RPS23: variants seen among roughly 807,000 people sequenced by gnomAD.
RPS23 encodes small ribosomal subunit protein uS12.
For missense variants in RPS23, 73 were observed against 174.5 expected (o/e 0.42, Z 3.28); for synonymous variants, 66 against 60.4 (o/e 1.09, Z -0.43).
rs1385614851 is a variant in RPS23 at position 82,273,881 on chromosome 5, A to AG, written c.*2227dup. 6.6e-6 allele frequency: 1 copy of AG among 152,178 alleles called. No individual in the cohort carries two copies. Among genetic ancestry groups the AG allele is most frequent in the East Asian group, 1.9e-4 (1 of 5,204 alleles). The allele number at this position is 152,178 out of a possible 1,614,324, so 9.4% of individuals were successfully genotyped here. ...CCCAGCTTAACAGGATTTTTCAGAG[A>AG]GAAAAAGTTTTTTAATTTTAATGAA... On this transcript the variant is annotated 3_prime_UTR_variant, in exon 4 of 4. Transcript: ENST00000296674.
chr5:82,278,339 G>C lies in RPS23; in HGVS notation c.-16C>G, dbSNP rs1378115823. On this transcript the variant is annotated 5_prime_UTR_variant, in exon 1 of 4. Coordinates refer to ENST00000296674, the MANE Select transcript of RPS23 (RefSeq NM_001025.5). The stretch of plus-strand genomic sequence containing the variant: ...GCTCACCCATCCTGTCGGCGCCACG[G>C]GCCTGAGCGAAAGAGAGAAGCACCG... 2 of 1,608,336 alleles carry C rather than the reference G, an allele frequency of 1.2e-6. No individual in the cohort carries two copies. The highest frequency in any genetic ancestry group is 2.7e-5 in the African/African-American group (2 of 74,668).
At position 82,276,270 on chromosome 5, in the gene RPS23, G is replaced by C; in HGVS notation, c.286-15C>G. The C allele has an allele frequency of 4.3e-6, 7 of 1,613,352 alleles. No homozygotes were observed. The highest frequency in any genetic ancestry group is 5.9e-6 in the Non-Finnish European group (7 of 1,179,642). On this transcript the variant is annotated splice_polypyrimidine_tract_variant and intron_variant, in intron 3 of 3. Transcript: ENST00000296674. ...TCATCATTTTCCTGGAATAAAATAA[G>C]AAGTTTATTTCTGGTGTTGGTGGCG... is the stretch of plus-strand genomic sequence containing the variant.
At chr5:82,276,887 G>T (rs1264369915) in intron 2 of RPS23, 1 of 200,474 alleles carries the variant, frequency 5.0e-6, no homozygotes, top group Non-Finnish European at 1.0e-5. Context: ...TCTGAGGTAA[G>T]AATTAGAAAG....
At position 82,275,807 on chromosome 5, in the gene RPS23, T is replaced by A. The variant is rs1399034971; in HGVS notation, c.*302A>T. ...AGTTTTTGAAGTTCCCTTAAAGTTC[T>A]TAAAGTAATACTACAATACTGCACA... On this transcript the variant is annotated 3_prime_UTR_variant, in exon 4 of 4. Transcript: ENST00000296674. 6 of 309,994 alleles carry A rather than the reference T, an allele frequency of 1.9e-5. No individual in the cohort carries two copies. In the East Asian group the frequency reaches 3.5e-4, roughly 18 times the overall value. The allele number at this position is 309,994 out of a possible 1,614,324, so 19.2% of individuals were successfully genotyped here. A position where few individuals can be genotyped will look rare whatever the true frequency, so the allele number is the denominator to read the frequency against.
In RPS23 at chr5:82,275,345, G is replaced by C. The variant is rs1352885727; in HGVS notation, c.*764C>G. 1 of 702,244 alleles carries C rather than the reference G, an allele frequency of 1.4e-6. No individual in the cohort carries two copies. Among genetic ancestry groups the C allele is most frequent in the East Asian group, 2.7e-5 (1 of 37,266 alleles). The allele number at this position is 702,244 out of a possible 1,614,324, so 43.5% of individuals were successfully genotyped here. A position where few individuals can be genotyped will look rare whatever the true frequency, so the allele number is the denominator to read the frequency against. Reference sequence around the variant, plus strand: ...AAAATCCACATGTACTCAATACCTAGCTTAAATTATCAAAACACAACCAAT... The same window carrying C: ...AAAATCCACATGTACTCAATACCTACCTTAAATTATCAAAACACAACCAAT... On this transcript the variant is annotated 3_prime_UTR_variant, in exon 4 of 4. Coordinates refer to ENST00000296674, the MANE Select transcript of RPS23 (RefSeq NM_001025.5).
chr5:82,278,203 C>T, intron 1 of RPS23, 117 bp downstream of exon 1: 1 of 961,122 alleles, frequency 1.0e-6, no homozygotes, highest in Non-Finnish European at 1.6e-6. Flanking sequence ...TTCCCCGGCC[C>T]TCCCCCATGG....
At chr5:82,278,031 G>A (rs900558508) in intron 1 of RPS23, 179 bp from the exon 2 acceptor site, 2 of 663,896 alleles carry the variant, frequency 3.0e-6, no homozygotes, top group Non-Finnish European at 5.2e-6. Context: ...ATAAACGTTC[G>A]AAGAGGGCTC....
rs1231232993 is a variant in RPS23 at position 82,277,739 on chromosome 5, G to A, written c.118C>T (p.Pro40Ser). Residue 40 changes from proline (P) to serine (S), a missense_variant, in exon 2 of 4, where the codon CCT becomes TCT. Pro to Ser is a moderately conservative substitution (Grantham distance 74). Transcript: ENST00000296674. The stretch of plus-strand genomic sequence containing the variant: ...TTTGCATGAGAAGCACCTCCAAAAG[G>A]GTTGGCCTTTAGGGCTGTGCCCAAA... ...AHLGTALKAN[P>S]FGGASHAKGI... 2 of 1,614,000 alleles carry A rather than the reference G, an allele frequency of 1.2e-6. No individual in the cohort carries two copies. Among genetic ancestry groups the A allele is most frequent in the Non-Finnish European group, 1.7e-6 (2 of 1,179,886 alleles).
intron 1 of RPS23, 123 bp from the exon 2 acceptor site, chr5:82,277,975 G>A (rs1747964928): frequency 1.1e-6 from 1 of 893,824 alleles, no homozygotes; most frequent in East Asian, 2.6e-5. Flanking sequence ...CTATTTATTG[G>A]CCTGTGGGCC....
intron 2 of RPS23, chr5:82,276,845 CA>C (rs374894611): frequency 1.2e-4 from 16 of 134,186 alleles, no homozygotes; most frequent in South Asian, 2.4e-4. Context: ...GACCCTATCT[CA>C]AAAAAAAAAA....
At position 82,274,122 on chromosome 5, in the gene RPS23, T is replaced by C. The variant is rs1322437861; in HGVS notation, c.*1987A>G. ...CTTTGACAAATGGAAGTCCACAACA[T>C]TTATTGAAACTCTTCTTCCTCCATT... On this transcript the variant is annotated 3_prime_UTR_variant, in exon 4 of 4. Coordinates refer to ENST00000296674, the MANE Select transcript of RPS23 (RefSeq NM_001025.5). The C allele has an allele frequency of 6.6e-6, 1 of 152,210 alleles. No individual in the cohort carries two copies. Among genetic ancestry groups the C allele is most frequent in the East Asian group, 1.9e-4 (1 of 5,194 alleles). The allele number at this position is 152,210 out of a possible 1,614,324, so 9.4% of individuals were successfully genotyped here.
rs746320084 is a variant in RPS23, at chr5:82,275,139, A to C, written c.*970T>G. On this transcript the variant is annotated 3_prime_UTR_variant, in exon 4 of 4. Coordinates refer to ENST00000296674, the MANE Select transcript of RPS23 (RefSeq NM_001025.5). ...CTACGGAAAGTGGGCAACCAAACCA[A>C]TTGTTTTCCAAAGATCCTAAACAAT... is the stretch of plus-strand genomic sequence containing the variant. 11 of 684,272 alleles carry C rather than the reference A, an allele frequency of 1.6e-5. No individual in the cohort carries two copies. The highest frequency in any genetic ancestry group is 2.7e-5 in the East Asian group (1 of 37,056). The allele number at this position is 684,272 out of a possible 1,614,324, so 42.4% of individuals were successfully genotyped here. A position where few individuals can be genotyped will look rare whatever the true frequency, so the allele number is the denominator to read the frequency against.
At chr5:82,278,224 T>G in intron 1 of RPS23, 96 bp downstream of exon 1, 2 of 680,598 alleles carry the variant, frequency 2.9e-6, no homozygotes, top group Admixed American at 2.4e-5. Context: ...AGCCTCTCCA[T>G]GGCATCCCCC....
In RPS23 at chr5:82,277,394, C is replaced by T. The variant is rs1747886741; in HGVS notation, c.164+299G>A. 4 of 399,884 alleles carry T rather than the reference C, an allele frequency of 1.0e-5. 1 individual carries two copies. The highest frequency in any genetic ancestry group is 8.4e-5 in the Admixed American group (2 of 23,914). 24.8% of individuals were successfully genotyped at this position (399,884 alleles called of 1,614,324 possible). A position where few individuals can be genotyped will look rare whatever the true frequency, so the allele number is the denominator to read the frequency against. On this transcript the variant is annotated intron_variant, in intron 2 of 3. Transcript: ENST00000296674. Reference sequence around the variant, plus strand: ...AGTCGATAAAGTTCAATAGCTGACACGTGCCATTTACTTATAACAACTCCC... The same window carrying T: ...AGTCGATAAAGTTCAATAGCTGACATGTGCCATTTACTTATAACAACTCCC...
Position 82,276,478 on chromosome 5 carries a change from A to C in RPS23, c.205T>G (p.Cys69Gly). Residue 69 changes from cysteine (C) to glycine (G), a missense_variant, in exon 3 of 4, where the codon TGT becomes GGT. Cys to Gly is a radical substitution (Grantham distance 159). Transcript: ENST00000296674. ...TTCTTGATCAGCTGGACCCTTACAC[A>C]CTTCCTAATGGCAGAATTTGGCTGT... is the stretch of plus-strand genomic sequence containing the variant. ...AKQPNSAIRK[C>G]VRVQLIKNGK... The C allele has an allele frequency of 1.9e-6, 3 of 1,613,912 alleles. No individual in the cohort carries two copies. The highest frequency in any genetic ancestry group is 8.5e-7 in the Non-Finnish European group (1 of 1,179,856).
At chr5:82,278,101 G>T in intron 1 of RPS23, 1 of 674,100 alleles carries the variant, frequency 1.5e-6, no homozygotes, top group Non-Finnish European at 2.5e-6. Context: ...GGAAGCGCTG[G>T]CCTCCCTGCG....
At chr5:82,278,043 G>A in intron 1 of RPS23, 191 bp from the exon 2 acceptor site, 2 of 656,458 alleles carry the variant, frequency 3.0e-6, no homozygotes. Flanking sequence ...AGAGGGCTCC[G>A]GAGAATGTGT....
At position 82,274,476 on chromosome 5, in the gene RPS23, G is replaced by A. The variant is rs888172330; in HGVS notation, c.*1633C>T. 6.6e-6 allele frequency: 1 copy of A among 152,516 alleles called. No individual in the cohort carries two copies. The highest frequency in any genetic ancestry group is 2.4e-5 in the African/African-American group (1 of 41,462). 9.4% of individuals were successfully genotyped at this position (152,516 alleles called of 1,614,324 possible). A position where few individuals can be genotyped will look rare whatever the true frequency, so the allele number is the denominator to read the frequency against. ...ACAGCTGCAAGCCATTGTTGAAGGT[G>A]TCTTGACGTATCAGAGAAGGCAGGT... is the stretch of plus-strand genomic sequence containing the variant. On this transcript the variant is annotated 3_prime_UTR_variant, in exon 4 of 4. Coordinates refer to ENST00000296674, the MANE Select transcript of RPS23 (RefSeq NM_001025.5).
chr5:82,274,004 C>T lies in RPS23; in HGVS notation c.*2105G>A, dbSNP rs946527405. 2 of 152,086 alleles carry T rather than the reference C, an allele frequency of 1.3e-5. No homozygotes were observed. The highest frequency in any genetic ancestry group is 2.9e-5 in the Non-Finnish European group (2 of 68,016). 9.4% of individuals were successfully genotyped at this position (152,086 alleles called of 1,614,324 possible). A position where few individuals can be genotyped will look rare whatever the true frequency, so the allele number is the denominator to read the frequency against. On this transcript the variant is annotated 3_prime_UTR_variant, in exon 4 of 4. Coordinates refer to ENST00000296674, the MANE Select transcript of RPS23 (RefSeq NM_001025.5). The stretch of plus-strand genomic sequence containing the variant: ...CTAGGTTGTAAAGATAGTCTGTTTT[C>T]AGTTTTATAGCTTTCCATTTTACAT...
Sources: allele counts gnomAD v4.1 joint callset, GRCh38; gene constraint gnomAD v4.1.1; transcripts MANE v1.5; gene names NCBI Gene and HGNC (gene_info 2026-07-23, HGNC 2026-07-21).